The following RALB variants were observed in gnomAD, a reference collection of about 807,000 sequenced individuals.
The protein encoded by RALB is ras-related protein Ral-B.
Under a neutral mutation model 21.3 loss-of-function variants are expected in RALB, and 16 were observed. The observed-to-expected ratio is 0.75, with a 90% CI of 0.51 to 1.14. RALB has a LOEUF of 1.14. Ranked by LOEUF, RALB falls within the 50% of genes most tolerant of loss-of-function variation. The pLI is 0.00. For missense variants in RALB, 161 were observed against 256.2 expected (o/e 0.63, Z 2.54); for synonymous variants, 93 against 96.1 (o/e 0.97, Z 0.19).
intron 1 of RALB, among the ~76,000 whole-genome samples, chr2:120,277,537 TGTGTG>T (rs1241249133): frequency 1.4e-5 from 2 of 139,594 alleles, no homozygotes; most frequent in Admixed American, 1.4e-4. Context: ...AGTGTGTAGT[TGTGTG>T]TGTGTGTGAA....
At chr2:120,290,152 C>T (rs1558958613) in intron 4 of RALB, among the ~76,000 whole-genome samples, 1 of 152,108 alleles carries the variant, frequency 6.6e-6, no homozygotes, top group Non-Finnish European at 1.5e-5. Flanking sequence ...GTGTGCACCA[C>T]CACACTGGCT....
intron 1 of RALB, among the ~76,000 whole-genome samples, chr2:120,258,148 A>G (rs1689242327): frequency 6.6e-6 from 1 of 152,190 alleles, no homozygotes; most frequent in Non-Finnish European, 1.5e-5. Context: ...CATTGACTTG[A>G]AACACTTCAG....
At chr2:120,254,983 ATTCT>A (rs1351372526) in intron 1 of RALB, among the ~76,000 whole-genome samples, 1 of 152,208 alleles carries the variant, frequency 6.6e-6, no homozygotes, top group African/African-American at 2.4e-5. Flanking sequence ...GGCAGGGATA[ATTCT>A]TTCTTCCAAA....
At chr2:120,285,123 A>C (rs1489464762) in intron 2 of RALB, among the ~76,000 whole-genome samples, 1 of 152,142 alleles carries the variant, frequency 6.6e-6, no homozygotes, top group Non-Finnish European at 1.5e-5. Flanking sequence ...GCCTCAGGAA[A>C]CTTACAATCA....
chr2:120,261,357 C>T (rs1335678888), intron 1 of RALB, among the ~76,000 whole-genome samples: 1 of 151,990 alleles, frequency 6.6e-6, no homozygotes, highest in East Asian at 1.9e-4. Flanking sequence ...AATGTGTACT[C>T]CATGAGGCTG....
intron 1 of RALB, among the ~76,000 whole-genome samples, chr2:120,246,034 C>T (rs899653669): frequency 6.6e-6 from 1 of 152,236 alleles, no homozygotes. Context: ...CTTTTACCCC[C>T]CGACACCACC....
At chr2:120,283,016 C>T (rs116528225) in intron 2 of RALB, among the ~76,000 whole-genome samples, 1 of 150,876 alleles carries the variant, frequency 6.6e-6, no homozygotes, top group Non-Finnish European at 1.5e-5. Flanking sequence ...TCCTGGGAGA[C>T]TTTAAAAAAA....
chr2:120,269,097 C>A (rs1285713543), intron 1 of RALB, among the ~76,000 whole-genome samples: 7 of 152,178 alleles, frequency 4.6e-5, no homozygotes, highest in African/African-American at 1.7e-4. Context: ...GCTGGATAAT[C>A]TAAAATTTGG....
intron 4 of RALB, among the ~76,000 whole-genome samples, chr2:120,292,311 C>G (rs757711911): frequency 6.6e-6 from 1 of 152,150 alleles, no homozygotes; most frequent in African/African-American, 2.4e-5. Context: ...TCTTCTCAGT[C>G]GCCTAGTGCA....
intron 1 of RALB, among the ~76,000 whole-genome samples, chr2:120,243,211 A>G (rs1333107470): frequency 6.6e-6 from 1 of 152,262 alleles, no homozygotes; most frequent in South Asian, 2.1e-4. Context: ...CCCCTCATGC[A>G]CTCAAAACAA....
At chr2:120,281,040 G>A in intron 2 of RALB, 3 of 286,336 alleles carry the variant, frequency 1.0e-5, no homozygotes, top group Middle Eastern at 1.2e-3. Flanking sequence ...ACATACATTT[G>A]TCATTCCATA....
intron 1 of RALB, among the ~76,000 whole-genome samples, chr2:120,262,330 G>A (rs576812985): frequency 5.3e-5 from 8 of 152,292 alleles, no homozygotes; most frequent in African/African-American, 9.6e-5. Context: ...AGGAGAAATA[G>A]CATCTGCTTG....
chr2:120,250,939 T>A (rs187710587), upstream of RALB, among the ~76,000 whole-genome samples: 74 of 151,928 alleles, frequency 4.9e-4, no homozygotes, highest in African/African-American at 1.8e-3. Flanking sequence ...GCTGGAGGAG[T>A]CCCAGTAGGA....
At position 120,279,325 on chromosome 2, in the gene RALB, C is replaced by T. The variant is rs73948779; in HGVS notation, c.114+547C>T. Among the ~76,000 whole-genome samples the T allele has an allele frequency of 7.4e-3, 1,129 of 152,154 alleles. 8 individuals are homozygous for T. The highest frequency in any genetic ancestry group is 0.026 in the African/African-American group (1,080 of 41,508). ...AGTGTGACAACACAGCCTTGATCCC[C>T]GGAGCTACAAAAGTCCCTGCTTGAG... On this transcript the variant is annotated intron_variant, in intron 2 of 4. Transcript: ENST00000272519.
intron 1 of RALB, among the ~76,000 whole-genome samples, chr2:120,258,585 G>A (rs912805301): frequency 3.9e-5 from 6 of 152,236 alleles, no homozygotes; most frequent in African/African-American, 1.2e-4. Flanking sequence ...GAAGGGCTGT[G>A]TGGAGAACAG....
At chr2:120,284,103 TTTC>T (rs1228445278) in intron 2 of RALB, among the ~76,000 whole-genome samples, 1 of 152,226 alleles carries the variant, frequency 6.6e-6, no homozygotes, top group African/African-American at 2.4e-5. Context: ...GGCGTGTATT[TTTC>T]TTTTTGGAAA....
chr2:120,267,244 G>C (rs1030285953), intron 1 of RALB, among the ~76,000 whole-genome samples: 3 of 152,038 alleles, frequency 2.0e-5, no homozygotes, highest in African/African-American at 7.2e-5. Flanking sequence ...AGGTAAAGAG[G>C]TATCCATTAG....
chr2:120,277,867 ATG>A (rs879465284), intron 1 of RALB, among the ~76,000 whole-genome samples: 12,164 of 91,712 alleles, frequency 0.13, 637 homozygotes, highest in Non-Finnish European at 0.18. Context: ...GCATGTGTGA[ATG>A]TGAGAACATG....
intron 1 of RALB, among the ~76,000 whole-genome samples, chr2:120,273,920 A>T (rs1206972412): frequency 6.6e-6 from 1 of 152,198 alleles, no homozygotes; most frequent in African/African-American, 2.4e-5. Context: ...CAGTTTTTGA[A>T]CTTTAAGCAC....
Sources: allele counts gnomAD v4.1 joint callset (sites outside exome capture counted in the v4.1 genomes callset), GRCh38; gene constraint gnomAD v4.1.1; transcripts MANE v1.5; gene names NCBI Gene and HGNC (gene_info 2026-07-23, HGNC 2026-07-21).